PPP2R3C: variants seen among roughly 807,000 people sequenced by gnomAD.
PPP2R3C encodes protein phosphatase 2 regulatory subunit B''gamma.
PPP2R3C carries 47 observed loss-of-function variants against 63.7 expected under a neutral mutation model. The observed-to-expected ratio is 0.74, with a 90% CI of 0.58 to 0.94. The LOEUF is 0.94. Ranked by LOEUF, PPP2R3C falls within the 40% of genes least tolerant of loss-of-function variation. The pLI is 0.00. For missense variants in PPP2R3C, 421 were observed against 518.4 expected (o/e 0.81, Z 1.82); for synonymous variants, 180 against 177.4 (o/e 1.01, Z -0.12).
At chr14:35,115,442 G>A (rs2046682178) in intron 2 of PPP2R3C, among the ~76,000 whole-genome samples, 1 of 151,244 alleles carries the variant, frequency 6.6e-6, no homozygotes, top group Non-Finnish European at 1.5e-5. Flanking sequence ...GATTATAGGT[G>A]TGAGTCACCA....
chr14:35,085,795 A>C lies in PPP2R3C; in HGVS notation c.1174-17T>G, dbSNP rs2045573186. ...GATTTCATCCTGCAAGAGAAAAAAA[A>C]ATACAATGAAATTTGATCCACTTAA... On this transcript the variant is annotated splice_polypyrimidine_tract_variant and intron_variant, in intron 12 of 12. Coordinates refer to ENST00000261475, the MANE Select transcript of PPP2R3C (RefSeq NM_017917.4). 1.9e-6 allele frequency: 3 copies of C among 1,568,884 alleles called. No individual in the cohort carries two copies. Among genetic ancestry groups the C allele is most frequent in the African/African-American group, 2.7e-5 (2 of 73,170 alleles).
chr14:35,118,612 G>A (rs578090441), intron 1 of PPP2R3C, among the ~76,000 whole-genome samples: 1 of 151,850 alleles, frequency 6.6e-6, no homozygotes, highest in African/African-American at 2.4e-5. Flanking sequence ...TAAGAGTTAA[G>A]GGGTCAAGAA....
intron 1 of PPP2R3C, chr14:35,116,992 C>A: frequency 2.3e-6 from 1 of 433,144 alleles, no homozygotes; most frequent in South Asian, 1.7e-5. Flanking sequence ...TAAAGCTAGT[C>A]TCTTCCTCAA....
chr14:35,095,820 C>T (rs1462225072), intron 9 of PPP2R3C, among the ~76,000 whole-genome samples: 1 of 136,014 alleles, frequency 7.4e-6, no homozygotes, highest in Admixed American at 8.1e-5. Flanking sequence ...CACTGGACTC[C>T]AGCCCAGGTA....
At chr14:35,096,837 T>G (rs2046015157) in intron 7 of PPP2R3C, 73 bp from the exon 8 acceptor site, 5 of 1,360,216 alleles carry the variant, frequency 3.7e-6, no homozygotes, top group Non-Finnish European at 4.9e-6. Context: ...AAAAAAAATT[T>G]TTTTAACAAG....
intron 1 of PPP2R3C, among the ~76,000 whole-genome samples, chr14:35,120,763 A>G (rs2046854243): frequency 6.6e-6 from 1 of 152,054 alleles, no homozygotes; most frequent in Admixed American, 6.6e-5. Context: ...CCCAGGCAAC[A>G]TAGCAAGACC....
At chr14:35,108,579 A>G (rs1425634005) in intron 4 of PPP2R3C, among the ~76,000 whole-genome samples, 1 of 151,838 alleles carries the variant, frequency 6.6e-6, no homozygotes, top group Non-Finnish European at 1.5e-5. Flanking sequence ...TTTATATTGT[A>G]TTATATTGTA....
chr14:35,093,456 C>T (rs1018171930), intron 10 of PPP2R3C, among the ~76,000 whole-genome samples: 1 of 152,114 alleles, frequency 6.6e-6, no homozygotes, highest in South Asian at 2.1e-4. Flanking sequence ...ATATAAGCTC[C>T]TCACTGTCTA....
chr14:35,117,059 T>A (rs1263899814), intron 1 of PPP2R3C: 1 of 455,930 alleles, frequency 2.2e-6, no homozygotes, highest in South Asian at 1.6e-5. Context: ...TGAAAAGAAT[T>A]TACTGAGCAC....
In PPP2R3C at chr14:35,085,554, T is replaced by G. The variant is rs754455922; in HGVS notation, c.*36A>C. 1 of 1,516,746 alleles carries G rather than the reference T, an allele frequency of 6.6e-7. No homozygotes were observed. Among genetic ancestry groups the G allele is most frequent in the Non-Finnish European group, 8.9e-7 (1 of 1,125,730 alleles). 94.0% of individuals were successfully genotyped at this position (1,516,746 alleles called of 1,614,324 possible). On this transcript the variant is annotated 3_prime_UTR_variant, in exon 13 of 13. Transcript: ENST00000261475. ...AAAGGCTTTACATGCAGCATTCAAG[T>G]ATCTCATAATATAAGACAGTCTAGT...
chr14:35,113,824 T>A (rs1022022343), intron 2 of PPP2R3C, among the ~76,000 whole-genome samples: 4 of 152,166 alleles, frequency 2.6e-5, no homozygotes, highest in Admixed American at 6.6e-5. Context: ...AATGCTGACC[T>A]GCATACCCTA....
chr14:35,085,617 T>G lies in PPP2R3C; in HGVS notation c.1335A>C (p.Glu445Asp). The change falls in exon 13 of 13, where the codon GAA becomes GAC. Residue 445 changes from glutamate (E) to aspartate (D), a missense_variant. By Grantham distance (45) the Glu-to-Asp change is conservative. Transcript: ENST00000261475. ...NREALVANDS[E>D]NSADLDDT The stretch of plus-strand genomic sequence containing the variant: ...ATGTATCATCAAGGTCTGCAGAGTT[T>G]TCACTGTCATTTGCAACAAGAGCCT... 1 of 1,611,956 alleles carries G rather than the reference T, an allele frequency of 6.2e-7. No individual in the cohort carries two copies. The highest frequency in any genetic ancestry group is 2.2e-5 in the East Asian group (1 of 44,856).
At chr14:35,093,677 C>T (rs187802799) in intron 10 of PPP2R3C, among the ~76,000 whole-genome samples, 5 of 151,674 alleles carry the variant, frequency 3.3e-5, no homozygotes, top group Admixed American at 1.3e-4. Flanking sequence ...GATGGAGTCT[C>T]GCTCAGTTGC....
chr14:35,113,639 C>T (rs1566425763), intron 2 of PPP2R3C, among the ~76,000 whole-genome samples: 3 of 152,126 alleles, frequency 2.0e-5, no homozygotes, highest in Admixed American at 2.0e-4. Flanking sequence ...CTCACTGACA[C>T]CATAATGTCC....
rs183536584 is a variant in PPP2R3C, at chr14:35,094,602, C to T, written c.975+446G>A. 4.9e-4 allele frequency among the ~76,000 whole-genome samples: 74 copies of T among 150,312 alleles called. No individual in the cohort carries two copies. The East Asian group carries it at 0.014, about 28-fold the overall frequency. On this transcript the variant is annotated intron_variant, in intron 10 of 12. Transcript: ENST00000261475. ...CAGATGTTTTAATTTACGTTAAGAC[C>T]AAAGACTCTGAATCTCAAGTAATTT...
chr14:35,095,737 G>A (rs1347438350), intron 9 of PPP2R3C, among the ~76,000 whole-genome samples: 2 of 149,962 alleles, frequency 1.3e-5, no homozygotes, highest in South Asian at 4.2e-4. Context: ...GTAATCCCAG[G>A]TACTTGGGAG....
intron 10 of PPP2R3C, among the ~76,000 whole-genome samples, chr14:35,094,483 A>T (rs568114928): frequency 0.078 from 11,620 of 149,370 alleles, 506 homozygotes; most frequent in Middle Eastern, 0.11. Context: ...CTTTTTTTTA[A>T]AAAAAAAAAA....
chr14:35,089,876 A>G (rs1166201678), intron 11 of PPP2R3C, among the ~76,000 whole-genome samples: 1 of 151,710 alleles, frequency 6.6e-6, no homozygotes, highest in Admixed American at 6.6e-5. Context: ...CATGTTAGTG[A>G]GGATGGTTTT....
intron 12 of PPP2R3C, chr14:35,086,910 G>C (rs1237784681): frequency 1.3e-5 from 2 of 152,132 alleles, no homozygotes; most frequent in Non-Finnish European, 2.9e-5. Flanking sequence ...CCATTCTCCT[G>C]TCTTGACCTC....
Sources: gnomAD v4.1 joint callset for allele counts (sites outside exome capture counted in the v4.1 genomes callset) on GRCh38, gnomAD v4.1.1 for gene constraint, MANE v1.5 for transcripts, NCBI Gene and HGNC (gene_info 2026-07-23, HGNC 2026-07-21) for gene names.